Variants in MYRIP observed in about 807,000 individuals in gnomAD.
MYRIP encodes the protein myosin VIIA and Rab interacting protein.
MYRIP carries 49 observed loss-of-function variants against 98.0 expected under a neutral mutation model. The observed-to-expected ratio is 0.50, with a 90% CI of 0.40 to 0.63. MYRIP has a LOEUF of 0.63. MYRIP is among the 30% of genes least tolerant of loss of function. The probability of loss-of-function intolerance (pLI) is 0.00; values close to 1 mark genes in which losing one functional copy is unlikely to be tolerated. For missense variants in MYRIP, 1,004 were observed against 1,058.2 expected, an observed-to-expected ratio of 0.95 and a Z score of 0.71; for synonymous variants, 404 against 409.5, an observed-to-expected ratio of 0.99 and a Z score of 0.16.
chr3:40,250,696 G>A (rs537861445), intron 15 of MYRIP, among the ~76,000 whole-genome samples, 197 bp downstream of exon 15: 1 of 152,330 alleles, frequency 6.6e-6, no homozygotes, highest in East Asian at 1.9e-4. Flanking sequence ...TTGTTTGGAA[G>A]GTGCACTGCT....
At chr3:40,034,370 T>G (rs1227416537) in intron 2 of MYRIP, among the ~76,000 whole-genome samples, 3 of 151,824 alleles carry the variant, frequency 2.0e-5, no homozygotes, top group African/African-American at 4.8e-5. Flanking sequence ...TCAAACAAAT[T>G]TACAAGAAAA....
rs558690053 is a variant in MYRIP, at chr3:39,822,109, C to T, written c.-31+12193C>T. 2.6e-5 allele frequency among the ~76,000 whole-genome samples: 4 copies of T among 152,178 alleles called. No individual in the cohort carries two copies. The South Asian group carries it at 8.3e-4, about 32-fold the overall frequency. Reference sequence around the variant, plus strand: ...TTTAAGTGTATACCATTATGAGAAACCCTCTTAGTCTCTAGTAATACCTCT... The same window carrying T: ...TTTAAGTGTATACCATTATGAGAAATCCTCTTAGTCTCTAGTAATACCTCT... On this transcript the variant is annotated intron_variant, in intron 1 of 16. Coordinates refer to ENST00000302541, the MANE Select transcript of MYRIP (RefSeq NM_015460.4).
intron 4 of MYRIP, among the ~76,000 whole-genome samples, chr3:40,161,262 C>T (rs1403389916): frequency 6.6e-6 from 1 of 152,186 alleles, no homozygotes; most frequent in Non-Finnish European, 1.5e-5. Context: ...GACACCAATG[C>T]TCCCACCTCC....
At chr3:40,119,919 TAATAA>T (rs1161036715) in intron 3 of MYRIP, among the ~76,000 whole-genome samples, 1 of 151,036 alleles carries the variant, frequency 6.6e-6, no homozygotes, top group Non-Finnish European at 1.5e-5. Flanking sequence ...AGTATAATAA[TAATAA>T]AATAAATAAA....
At chr3:39,911,035 A>C (rs4676535) in intron 2 of MYRIP, among the ~76,000 whole-genome samples, 67,344 of 151,984 alleles carry the variant, frequency 0.44, 15,167 homozygotes, top group East Asian at 0.54. Context: ...AAAAAAAAGC[A>C]TACTGTGTCC....
intron 2 of MYRIP, among the ~76,000 whole-genome samples, chr3:40,034,208 C>A: frequency 6.6e-6 from 1 of 151,750 alleles, no homozygotes; most frequent in East Asian, 1.9e-4. Context: ...CAACAAAAGC[C>A]AAAATTGACA....
intron 2 of MYRIP, among the ~76,000 whole-genome samples, chr3:39,948,958 C>A (rs1288591649): frequency 6.6e-6 from 1 of 152,134 alleles, no homozygotes; most frequent in Non-Finnish European, 1.5e-5. Context: ...ACTTGATTGT[C>A]AGCAACAGAG....
intron 3 of MYRIP, among the ~76,000 whole-genome samples, chr3:40,112,297 GGAAAGGAGAGTGAAAGAA>G (rs1407766805): frequency 6.6e-6 from 1 of 152,100 alleles, no homozygotes; most frequent in Admixed American, 6.5e-5. Flanking sequence ...GAGGGAAAGA[GGAAAGGAGAGTGAAAGAA>G]GAAAGGAGGA....
chr3:40,185,870 A>G (rs941524564), intron 9 of MYRIP, among the ~76,000 whole-genome samples: 1 of 152,050 alleles, frequency 6.6e-6, no homozygotes, highest in African/African-American at 2.4e-5. Context: ...GAGCTGCTCA[A>G]TGAGCCCCGT....
chr3:39,841,085 T>C (rs1941786293), intron 1 of MYRIP, among the ~76,000 whole-genome samples: 1 of 152,206 alleles, frequency 6.6e-6, no homozygotes, highest in African/African-American at 2.4e-5. Flanking sequence ...TCCCCGTCAC[T>C]TTCAGGTACA....
Position 40,037,927 on chromosome 3 carries a change from C to G in MYRIP, c.111-6123C>G, listed in dbSNP as rs571224883. ...GACTTGTGTTTTTCCTGGAAGTGTC[C>G]TCAACCTTGGCTAAATAAACCTCTA... On this transcript the variant is annotated intron_variant, in intron 2 of 16. Transcript: ENST00000302541. Among the ~76,000 whole-genome samples the G allele has an allele frequency of 2.0e-5, 3 of 152,038 alleles. No individual in the cohort carries two copies. In the South Asian group the frequency reaches 6.2e-4, roughly 31 times the overall value.
intron 9 of MYRIP, among the ~76,000 whole-genome samples, chr3:40,188,611 C>T (rs1951104403): frequency 6.6e-6 from 1 of 152,196 alleles, no homozygotes. Context: ...AACCCCGCCT[C>T]TACTAAAAAT....
At chr3:40,009,535 C>T (rs1279045698) in intron 2 of MYRIP, among the ~76,000 whole-genome samples, 1 of 152,164 alleles carries the variant, frequency 6.6e-6, no homozygotes, top group African/African-American at 2.4e-5. Flanking sequence ...AGCCACCACG[C>T]CTGGCCCCAA....
intron 2 of MYRIP, among the ~76,000 whole-genome samples, chr3:40,021,223 GA>G (rs1248690546): frequency 4.6e-5 from 7 of 152,144 alleles, no homozygotes; most frequent in Non-Finnish European, 7.3e-5. Context: ...ACAAATTTAG[GA>G]AAGGTGGTTC....
chr3:39,868,672 C>G (rs1942694440), intron 1 of MYRIP, among the ~76,000 whole-genome samples: 1 of 152,148 alleles, frequency 6.6e-6, no homozygotes, highest in South Asian at 2.1e-4. Context: ...AGGGTCTGCT[C>G]CTTCAAGAAT....
chr3:40,069,767 T>TA lies in MYRIP; in HGVS notation c.332+25497dup, dbSNP rs557917781. On this transcript the variant is annotated intron_variant, in intron 3 of 16. Coordinates refer to ENST00000302541, the MANE Select transcript of MYRIP (RefSeq NM_015460.4). ...TTTTATGGAAGACAGTTTTCCCACT[T>TA]ACGGTGTGCGGAGAGGGATGGTTTC... Among the ~76,000 whole-genome samples the TA allele has an allele frequency of 2.3e-3, 354 of 152,268 alleles. 2 individuals are homozygous for TA. The highest frequency in any genetic ancestry group is 4.3e-3 in the Non-Finnish European group (292 of 68,012).
intron 3 of MYRIP, among the ~76,000 whole-genome samples, chr3:40,136,312 T>G (rs1436867249): frequency 6.6e-6 from 1 of 152,164 alleles, no homozygotes; most frequent in Non-Finnish European, 1.5e-5. Flanking sequence ...GGTAAAGGGA[T>G]CAATTCAACA....
intron 3 of MYRIP, among the ~76,000 whole-genome samples, chr3:40,136,286 A>G (rs1356015881): frequency 6.6e-6 from 1 of 152,218 alleles, no homozygotes; most frequent in Non-Finnish European, 1.5e-5. Flanking sequence ...AGAGACAAAG[A>G]AGGCCATTAC....
chr3:40,103,370 G>A (rs181232041), intron 3 of MYRIP, among the ~76,000 whole-genome samples: 26 of 152,348 alleles, frequency 1.7e-4, no homozygotes, highest in African/African-American at 5.1e-4. Flanking sequence ...ATGGCAGAAC[G>A]CCTGTGAACT....
Sources: allele counts gnomAD v4.1 joint callset (sites outside exome capture counted in the v4.1 genomes callset), GRCh38; gene constraint gnomAD v4.1.1; transcripts MANE v1.5; gene names NCBI Gene and HGNC (gene_info 2026-07-23, HGNC 2026-07-21).